IQSEC1: variants seen among roughly 807,000 people sequenced by gnomAD.
IQSEC1 encodes the protein IQ motif and Sec7 domain ArfGEF 1.
Under a neutral mutation model 91.0 loss-of-function variants are expected in IQSEC1, and 31 were observed. The observed-to-expected ratio is 0.34, with a 90% CI of 0.26 to 0.46. The LOEUF is 0.46. Ranked by LOEUF, IQSEC1 falls within the 20% of genes least tolerant of loss-of-function variation. The probability of loss-of-function intolerance (pLI) is 1.00; values close to 1 mark genes in which losing one functional copy is unlikely to be tolerated. For synonymous variants in IQSEC1, 699 were observed against 662.6 expected (o/e 1.05, Z -0.84); for missense variants, 1,388 against 1,575.6 (o/e 0.88, Z 2.02).
chr3:13,145,356 G>A (rs528318402), intron 2 of IQSEC1, among the ~76,000 whole-genome samples: 2 of 152,296 alleles, frequency 1.3e-5, no homozygotes, highest in East Asian at 1.9e-4. Flanking sequence ...CTAACAGAAT[G>A]TTGATGTCAC....
At chr3:13,003,555 A>G (rs1702515730) in intron 1 of IQSEC1, among the ~76,000 whole-genome samples, 1 of 152,226 alleles carries the variant, frequency 6.6e-6, no homozygotes, top group African/African-American at 2.4e-5. Flanking sequence ...TGTGATGGTT[A>G]CAGGATTCTG....
rs1157928055 is a variant in IQSEC1 at position 12,967,816 on chromosome 3, CGAGACTGCACGGAGCGTGTGGGGAA to C, written c.24-25976_24-25952del. On this transcript the variant is annotated intron_variant, in intron 1 of 13. Coordinates refer to ENST00000613206, the MANE Select transcript of IQSEC1 (RefSeq NM_001134382.3). The surrounding 1 kb of genome is among the most constrained non-coding windows in gnomAD (Gnocchi z 5.9). ...CTGGGGGCGGGGCTGCGCGCGGGGGCGAGACTGCACGGAGCGTGTGGGGAAGAGAGCACAGGAGGCGTGGCCACAC... is the reference window on the plus strand; with the variant it reads ...CTGGGGGCGGGGCTGCGCGCGGGGGCGAGAGCACAGGAGGCGTGGCCACAC... 5 of 412,242 alleles carry C rather than the reference CGAGACTGCACGGAGCGTGTGGGGAA, an allele frequency of 1.2e-5. No homozygotes were observed. In the East Asian group the frequency reaches 7.8e-4, roughly 65 times the overall value. The allele number at this position is 412,242 out of a possible 1,614,324, so 25.5% of individuals were successfully genotyped here.
At chr3:13,236,366 C>T (rs1385902667) in intron 1 of IQSEC1, among the ~76,000 whole-genome samples, 3 of 152,220 alleles carry the variant, frequency 2.0e-5, no homozygotes, top group Admixed American at 6.5e-5. Context: ...GTTCTGACAA[C>T]CCCAGATCTT....
rs774589168 is a variant in IQSEC1, at chr3:13,154,438, C to CATATATATATATATAT, written c.302+9650_302+9665dup. Among the ~76,000 whole-genome samples, 52 of 20,742 alleles carry CATATATATATATATAT rather than the reference C, an allele frequency of 2.5e-3. 1 individual carries two copies. The highest frequency in any genetic ancestry group is 5.1e-3 in the South Asian group (2 of 390). 13.6% of individuals were successfully genotyped at this position (20,742 alleles called of 152,430 possible). A position where few individuals can be genotyped will look rare whatever the true frequency, so the allele number is the denominator to read the frequency against. ...ACACCAGGAAGCTGGAACTTACATG[C>CATATATATATATATAT]ATATATATATATATATATATATATA... On this transcript the variant is annotated intron_variant, in intron 2 of 15. Transcript: ENST00000648114.
intron 2 of IQSEC1, among the ~76,000 whole-genome samples, chr3:12,938,093 A>G (rs1048263813): frequency 3.3e-5 from 5 of 152,144 alleles, no homozygotes; most frequent in Non-Finnish European, 7.4e-5. Flanking sequence ...CGGCCAAGAT[A>G]AGGAATTGGC....
rs1694176000 is a variant in IQSEC1 at position 12,900,814 on chromosome 3, A to G, written c.*169T>C. On this transcript the variant is annotated 3_prime_UTR_variant, in exon 14 of 14. Coordinates refer to ENST00000613206, the MANE Select transcript of IQSEC1 (RefSeq NM_001134382.3). The stretch of plus-strand genomic sequence containing the variant: ...GAAATGAAATCTGGGCCTTTGTTCC[A>G]CACAACACCAGCCCTGTGGGCTCCT... The G allele has an allele frequency of 1.4e-6, 2 of 1,478,418 alleles. No individual in the cohort carries two copies. Among genetic ancestry groups the G allele is most frequent in the Non-Finnish European group, 1.8e-6 (2 of 1,120,432 alleles). 91.6% of individuals were successfully genotyped at this position (1,478,418 alleles called of 1,614,324 possible).
chr3:13,179,818 G>A (rs1693805044), intron 1 of IQSEC1, among the ~76,000 whole-genome samples: 1 of 152,242 alleles, frequency 6.6e-6, no homozygotes, highest in Admixed American at 6.5e-5. Context: ...AGTTCCGGGT[G>A]GGCATGGGCT....
chr3:12,901,854 AC>A (rs1235177199), intron 13 of IQSEC1, among the ~76,000 whole-genome samples: 3 of 151,968 alleles, frequency 2.0e-5, no homozygotes, highest in Non-Finnish European at 4.4e-5. Flanking sequence ...TCAAATTGGA[AC>A]CCCTAGGTTG....
chr3:12,956,313 T>A (rs1262340464), intron 1 of IQSEC1, among the ~76,000 whole-genome samples: 2 of 152,192 alleles, frequency 1.3e-5, no homozygotes, highest in Admixed American at 6.5e-5. Context: ...GATCTACAGT[T>A]TGGGACCAGT....
intron 2 of IQSEC1, among the ~76,000 whole-genome samples, chr3:13,118,440 A>C (rs1254481062): frequency 6.6e-6 from 1 of 152,220 alleles, no homozygotes; most frequent in Non-Finnish European, 1.5e-5. Flanking sequence ...ACGGATAGAC[A>C]AATTTCGTCC....
intron 13 of IQSEC1, among the ~76,000 whole-genome samples, chr3:12,902,057 T>G (rs1694374553): frequency 6.6e-6 from 1 of 151,954 alleles, no homozygotes; most frequent in South Asian, 2.1e-4. Context: ...CTCAGAAACC[T>G]TGTCCTCTGG....
intron 13 of IQSEC1, among the ~76,000 whole-genome samples, chr3:12,901,816 A>C (rs985304401): frequency 4.6e-5 from 7 of 152,144 alleles, no homozygotes; most frequent in Non-Finnish European, 1.0e-4. Flanking sequence ...TCTGACAAGC[A>C]CTTTGGCCCT....
rs761008969 is a variant in IQSEC1, at chr3:12,899,400, A to G, written c.*1583T>C. 6.2e-7 allele frequency: 1 copy of G among 1,613,140 alleles called. No homozygotes were observed. The highest frequency in any genetic ancestry group is 1.1e-5 in the South Asian group (1 of 91,006). On this transcript the variant is annotated 3_prime_UTR_variant, in exon 14 of 14. Transcript: ENST00000613206. ...CTCGGGTCCCATGGCTTAGGAGCAC[A>G]GCACTGACGGCTGCAGTGGCTCGAA...
In IQSEC1 at chr3:12,900,850, T is replaced by G. The variant is rs571640603; in HGVS notation, c.*133A>C. On this transcript the variant is annotated 3_prime_UTR_variant, in exon 14 of 14. Coordinates refer to ENST00000613206, the MANE Select transcript of IQSEC1 (RefSeq NM_001134382.3). ...GCCCTGTGGGCTCCTGGGGCTCCGG[T>G]TGGGCCGTGAGGGGCAGAGGGGAGA... 2 of 1,523,726 alleles carry G rather than the reference T, an allele frequency of 1.3e-6. No homozygotes were observed. The highest frequency in any genetic ancestry group is 1.8e-6 in the Non-Finnish European group (2 of 1,140,906). The allele number at this position is 1,523,726 out of a possible 1,614,324, so 94.4% of individuals were successfully genotyped here.
intron 2 of IQSEC1, among the ~76,000 whole-genome samples, chr3:13,081,797 G>A (rs536601009): frequency 2.6e-5 from 4 of 152,116 alleles, no homozygotes; most frequent in African/African-American, 4.8e-5. Context: ...GACCTTGGGC[G>A]GGTCTTCGCT....
chr3:13,166,931 C>T (rs1693507845), intron 1 of IQSEC1, among the ~76,000 whole-genome samples: 1 of 152,250 alleles, frequency 6.6e-6, no homozygotes, highest in Non-Finnish European at 1.5e-5. Flanking sequence ...CATAACATCG[C>T]CCGTCCTATG....
chr3:13,105,223 T>C (rs546590410), intron 2 of IQSEC1, among the ~76,000 whole-genome samples: 1 of 152,188 alleles, frequency 6.6e-6, no homozygotes, highest in East Asian at 1.9e-4. Context: ...ACAGCACTGT[T>C]CCTCTAGGAA....
chr3:12,976,312 C>A (rs961131314), intron 1 of IQSEC1, among the ~76,000 whole-genome samples: 2 of 152,268 alleles, frequency 1.3e-5, no homozygotes. Context: ...GAGCACACCC[C>A]ACAAGCCCAG....
intron 1 of IQSEC1, among the ~76,000 whole-genome samples, chr3:13,035,504 C>T (rs981610233): frequency 1.3e-5 from 2 of 152,174 alleles, no homozygotes; most frequent in Admixed American, 6.5e-5. Flanking sequence ...CACTTCATTT[C>T]AACTTACTCC....
Sources: gnomAD v4.1 joint callset for allele counts (sites outside exome capture counted in the v4.1 genomes callset) on GRCh38, gnomAD v4.1.1 for gene constraint, Gnocchi (gnomAD v3.1) non-coding constraint, MANE v1.5 for transcripts, NCBI Gene and HGNC (gene_info 2026-07-23, HGNC 2026-07-21) for gene names.